VAX2: variants seen among roughly 807,000 people sequenced by gnomAD.
VAX2 encodes ventral anterior homeobox 2.
Under a neutral mutation model 12.5 loss-of-function variants are expected in VAX2, and 8 were observed. That is an observed-to-expected ratio of 0.64 (90% CI 0.37 to 1.15). The LOEUF is 1.15. Ranked by LOEUF, VAX2 falls within the 50% of genes most tolerant of loss-of-function variation. VAX2 has a pLI of 0.01. For missense variants in VAX2, 476 were observed against 412.9 expected, an observed-to-expected ratio of 1.15 and a Z score of -1.32; for synonymous variants, 183 against 187.6, an observed-to-expected ratio of 0.98 and a Z score of 0.20.
intron 1 of VAX2, among the ~76,000 whole-genome samples, chr2:70,909,315 C>G (rs1448993923): frequency 1.3e-5 from 2 of 151,886 alleles, no homozygotes; most frequent in African/African-American, 4.8e-5. Flanking sequence ...ATAGGCACTC[C>G]CCACAATGCT....
rs560680591 is a variant in VAX2, at chr2:70,907,609, G to A, written c.247+6741G>A. Among the ~76,000 whole-genome samples the A allele has an allele frequency of 3.9e-5, 6 of 152,372 alleles. No individual in the cohort carries two copies. In the South Asian group the frequency reaches 1.2e-3, roughly 32 times the overall value. On this transcript the variant is annotated intron_variant, in intron 1 of 2. Transcript: ENST00000234392. ...TTGGCAGCCCACCGCGTCCACCCGC[G>A]GAGCTGCGGAAGCCAGGGCCGGGCA... is the stretch of plus-strand genomic sequence containing the variant.
At chr2:70,906,520 C>CTTT (rs869309305) in intron 1 of VAX2, among the ~76,000 whole-genome samples, 12,514 of 60,348 alleles carry the variant, frequency 0.21, 2,889 homozygotes, top group South Asian at 0.24. Flanking sequence ...TTTTCTTTTC[C>CTTT]TTTTTTTTTT....
At chr2:70,907,025 T>C (rs1039411319) in intron 1 of VAX2, among the ~76,000 whole-genome samples, 2 of 152,240 alleles carry the variant, frequency 1.3e-5, no homozygotes, top group Non-Finnish European at 2.9e-5. Context: ...TTCATCAACA[T>C]GGCATAATTC....
intron 2 of VAX2, among the ~76,000 whole-genome samples, chr2:70,928,936 C>T (rs188384870): frequency 1.6e-3 from 250 of 152,364 alleles, no homozygotes; most frequent in Non-Finnish European, 2.7e-3. Flanking sequence ...AAAGATAAGA[C>T]ACTGAGGCTC....
intron 1 of VAX2, among the ~76,000 whole-genome samples, chr2:70,911,729 T>G (rs2104765489): frequency 6.6e-6 from 1 of 152,372 alleles, no homozygotes; most frequent in Middle Eastern, 3.4e-3. Flanking sequence ...CACATGCATT[T>G]CTTCTTCTCT....
At position 70,932,918 on chromosome 2, in the gene VAX2, G is replaced by C; in HGVS notation, c.587G>C (p.Arg196Thr). The stretch of plus-strand genomic sequence containing the variant: ...CAGGGCCGGCTGCTCTCTGTGCCCA[G>C]GGCCCCTAGCCTCCTGGCGCTGACC... ...LEQGRLLSVP[R>T]APSLLALTPS... Residue 196 changes from arginine (R) to threonine (T), a missense_variant, in exon 3 of 3, where the codon AGG becomes ACG. Transcript: ENST00000234392. 1 of 1,613,218 alleles carries C rather than the reference G, an allele frequency of 6.2e-7. No individual in the cohort carries two copies. Among genetic ancestry groups the C allele is most frequent in the Non-Finnish European group, 8.5e-7 (1 of 1,179,914 alleles).
intron 1 of VAX2, among the ~76,000 whole-genome samples, chr2:70,913,838 C>T (rs1221008826): frequency 6.6e-6 from 1 of 152,102 alleles, no homozygotes; most frequent in Admixed American, 6.6e-5. Context: ...CAAATAAGGG[C>T]TTATTAAATA....
chr2:70,925,809 C>T (rs566228643), intron 2 of VAX2, among the ~76,000 whole-genome samples: 103 of 152,296 alleles, frequency 6.8e-4, no homozygotes, highest in Middle Eastern at 3.4e-3. Flanking sequence ...GATTCAGCAC[C>T]AGCTACTCAC....
chr2:70,911,350 T>A (rs1679180360), intron 1 of VAX2, among the ~76,000 whole-genome samples: 1 of 152,202 alleles, frequency 6.6e-6, no homozygotes, highest in African/African-American at 2.4e-5. Context: ...ACAATTTTCC[T>A]ATTGATAAAC....
intron 1 of VAX2, among the ~76,000 whole-genome samples, chr2:70,907,343 C>T (rs1553410714): frequency 2.0e-5 from 3 of 152,262 alleles, no homozygotes; most frequent in South Asian, 2.1e-4. Context: ...AATGGTGAGT[C>T]TCCCGGCTTT....
intron 1 of VAX2, among the ~76,000 whole-genome samples, chr2:70,901,384 G>C (rs62143226): frequency 0.075 from 11,445 of 152,324 alleles, 522 homozygotes; most frequent in South Asian, 0.17. Context: ...GCCCAGGGGA[G>C]ACGGCGCGGG....
intron 2 of VAX2, chr2:70,924,162 AAAAC>A (rs1243304235): frequency 2.0e-5 from 3 of 151,984 alleles, no homozygotes; most frequent in Non-Finnish European, 2.9e-5. Context: ...CTCTATCTCA[AAAAC>A]AAACAAAAAA....
rs1397797033 is a variant in VAX2, at chr2:70,927,990, C to T, written c.436-4777C>T. On this transcript the variant is annotated intron_variant, in intron 2 of 2. Coordinates refer to ENST00000234392, the MANE Select transcript of VAX2 (RefSeq NM_012476.3). ...TGCTGGCCCCGCCACCCTGTGAAGT[C>T]GGCTAGGAATGGTTTCCCAGAAGTG... 3.9e-5 allele frequency among the ~76,000 whole-genome samples: 6 copies of T among 152,284 alleles called. No individual in the cohort carries two copies. In the East Asian group the frequency reaches 7.7e-4, roughly 20 times the overall value.
chr2:70,919,608 A>T (rs1553412515), intron 1 of VAX2, among the ~76,000 whole-genome samples: 1 of 152,200 alleles, frequency 6.6e-6, no homozygotes, highest in African/African-American at 2.4e-5. Context: ...TGGGAGGCTG[A>T]GGCGGGCAGA....
In VAX2 at chr2:70,933,431, A is replaced by G. The variant is rs1679753013; in HGVS notation, c.*227A>G. 2.5e-6 allele frequency: 1 copy of G among 394,142 alleles called. No homozygotes were observed. Among genetic ancestry groups the G allele is most frequent in the South Asian group, 1.3e-4 (1 of 7,552 alleles). 24.4% of individuals were successfully genotyped at this position (394,142 alleles called of 1,614,324 possible). A position where few individuals can be genotyped will look rare whatever the true frequency, so the allele number is the denominator to read the frequency against. ...CTCTCACTGAAATAAAAGGAAAACA[A>G]TGACAAGAAGGGAAATGGTGCCCAC... On this transcript the variant is annotated 3_prime_UTR_variant, in exon 3 of 3. Coordinates refer to ENST00000234392, the MANE Select transcript of VAX2 (RefSeq NM_012476.3).
intron 1 of VAX2, among the ~76,000 whole-genome samples, chr2:70,912,251 T>C (rs1572890013): frequency 6.6e-6 from 1 of 152,266 alleles, no homozygotes; most frequent in African/African-American, 2.4e-5. Context: ...TTGTTGACTA[T>C]CCTTGCATTT....
intron 2 of VAX2, among the ~76,000 whole-genome samples, chr2:70,922,760 A>G (rs1013767227): frequency 1.3e-5 from 2 of 152,148 alleles, no homozygotes; most frequent in Admixed American, 1.3e-4. Flanking sequence ...GCCACTGCAG[A>G]GCTCCCAAAC....
At chr2:70,926,966 A>C (rs1397734785) in intron 2 of VAX2, among the ~76,000 whole-genome samples, 1 of 152,120 alleles carries the variant, frequency 6.6e-6, no homozygotes, top group African/African-American at 2.4e-5. Context: ...CTGACCTCTG[A>C]TTCTCCACGA....
chr2:70,933,095 T>G lies in VAX2; in HGVS notation c.764T>G (p.Leu255Arg). The change falls in exon 3 of 3, where the codon CTC (leucine) becomes CGC (arginine). Residue 255 changes from leucine (L) to arginine (R), a missense_variant. Transcript: ENST00000234392. ...GCTGTCTGCTTTTCCTCGGCCCCGC[T>G]CCTGGATCTGCCTGCCGGCTACGAA... ...LPAVCFSSAPLLDLPAGYELG... is the reference protein window; with the variant it reads ...LPAVCFSSAPRLDLPAGYELG... 1 of 1,610,178 alleles carries G rather than the reference T, an allele frequency of 6.2e-7. No homozygotes were observed. The highest frequency in any genetic ancestry group is 1.7e-5 in the Admixed American group (1 of 59,558).
Sources: allele counts gnomAD v4.1 joint callset (sites outside exome capture counted in the v4.1 genomes callset), GRCh38; gene constraint gnomAD v4.1.1; transcripts MANE v1.5; gene names NCBI Gene and HGNC (gene_info 2026-07-23, HGNC 2026-07-21).